Variants in SCEL observed in about 807,000 individuals in gnomAD.
SCEL encodes sciellin.
Under a neutral mutation model 117.6 loss-of-function variants are expected in SCEL, and 113 were observed. That is an observed-to-expected ratio of 0.96 (90% CI 0.83 to 1.12). SCEL has a LOEUF of 1.12. SCEL is among the 50% of genes most tolerant of loss of function. The pLI, the probability that SCEL is intolerant of heterozygous loss-of-function variation, is 0.00. For synonymous variants in SCEL, 270 were observed against 256.2 expected (o/e 1.05, Z -0.51); for missense variants, 785 against 810.8 (o/e 0.97, Z 0.39).
rs1555510777 is a variant in SCEL at position 77,593,295 on chromosome 13, T to TGCGC, written c.693-218_693-217insCGCG. Among the ~76,000 whole-genome samples the TGCGC allele has an allele frequency of 9.4e-4, 128 of 136,882 alleles. 3 individuals are homozygous for TGCGC. In the East Asian group the frequency reaches 0.014, roughly 15 times the overall value. The allele number at this position is 136,882 out of a possible 152,430, so 89.8% of individuals were successfully genotyped here. A position where few individuals can be genotyped will look rare whatever the true frequency, so the allele number is the denominator to read the frequency against. ...GTGTGTGTGTGTGTGTGTGTGTGTG[T>TGCGC]GTCTGTGTGTGTGTGTGTGTGTGTC... On this transcript the variant is annotated intron_variant, in intron 11 of 32. Transcript: ENST00000349847.
rs1201405281 is a variant in SCEL, at chr13:77,632,227, C to T, written c.1692-2152C>T. On this transcript the variant is annotated intron_variant, in intron 28 of 32. Coordinates refer to ENST00000349847, the MANE Select transcript of SCEL (RefSeq NM_144777.3). Reference sequence around the variant, plus strand: ...CCATAACAGTACTGTTGGCAAATCACTTATCTCTCCTGTTTGTGGATTTTG... The same window carrying T: ...CCATAACAGTACTGTTGGCAAATCATTTATCTCTCCTGTTTGTGGATTTTG... Among the ~76,000 whole-genome samples the T allele has an allele frequency of 2.0e-5, 3 of 152,236 alleles. No individual in the cohort carries two copies. The East Asian group carries it at 5.8e-4, about 29-fold the overall frequency.
intron 5 of SCEL, among the ~76,000 whole-genome samples, chr13:77,567,361 G>A (rs2085346499): frequency 6.6e-6 from 1 of 152,184 alleles, no homozygotes; most frequent in Non-Finnish European, 1.5e-5. Flanking sequence ...GGCTGAGGCA[G>A]TAGAATAGCT....
intron 1 of SCEL, among the ~76,000 whole-genome samples, chr13:77,544,799 A>G (rs192189146): frequency 1.4e-3 from 211 of 152,368 alleles, no homozygotes; most frequent in Non-Finnish European, 2.2e-3. Flanking sequence ...TTTCAAATGC[A>G]TACAAAAAGA....
At chr13:77,550,878 C>T (rs1171496136) in intron 1 of SCEL, among the ~76,000 whole-genome samples, 2 of 152,196 alleles carry the variant, frequency 1.3e-5, no homozygotes, top group African/African-American at 4.8e-5. Flanking sequence ...GGGGAATACA[C>T]AGAGAAGGCT....
At position 77,642,778 on chromosome 13, in the gene SCEL, C is replaced by T. The variant is rs2090619227; in HGVS notation, c.2020C>T (p.His674Tyr). 1 of 1,602,980 alleles carries T rather than the reference C, an allele frequency of 6.2e-7. No individual in the cohort carries two copies. The highest frequency in any genetic ancestry group is 1.1e-5 in the South Asian group (1 of 89,320). The part of the protein sequence containing the change: ...DSIWIYRQTI[H>Y]CEPCYSKIMA... ...TATTTGGATTTATAGACAGACAATA[C>T]ACTGTGAACCTTGCTACTCTAAAAT... is the stretch of plus-strand genomic sequence containing the variant. The change falls in exon 32 of 33, where the codon CAC becomes TAC. Residue 674 changes from histidine (H) to tyrosine (Y), a missense_variant. Coordinates refer to ENST00000349847, the MANE Select transcript of SCEL (RefSeq NM_144777.3).
rs139110416 is a variant in SCEL, at chr13:77,557,120, T to C, written c.161+407T>C. Among the ~76,000 whole-genome samples, 4 of 152,328 alleles carry C rather than the reference T, an allele frequency of 2.6e-5. No individual in the cohort carries two copies. The East Asian group carries it at 7.7e-4, about 29-fold the overall frequency. On this transcript the variant is annotated intron_variant, in intron 3 of 32. Transcript: ENST00000349847. ...AGAGTGTAATTCCAAATTTAACATA[T>C]AAAATTTTGGTATGTACAAGAGAAA...
intron 31 of SCEL, among the ~76,000 whole-genome samples, chr13:77,641,525 G>A (rs996671997): frequency 2.0e-5 from 3 of 152,122 alleles, no homozygotes; most frequent in Admixed American, 6.6e-5. Flanking sequence ...CTAGACCAGT[G>A]GATCTCAACC....
At chr13:77,546,774 G>A (rs907162403) in intron 1 of SCEL, among the ~76,000 whole-genome samples, 1 of 152,038 alleles carries the variant, frequency 6.6e-6, no homozygotes, top group Non-Finnish European at 1.5e-5. Flanking sequence ...ATAATACAGG[G>A]CTATTGTGGC....
At chr13:77,586,505 C>T (rs1176112026) in intron 9 of SCEL, among the ~76,000 whole-genome samples, 1 of 152,062 alleles carries the variant, frequency 6.6e-6, no homozygotes, top group Non-Finnish European at 1.5e-5. Flanking sequence ...TCTCAAACTC[C>T]ACAGCCCCCA....
At position 77,644,718 on chromosome 13, in the gene SCEL, A is replaced by G. The variant is rs1466303855; in HGVS notation, c.*444A>G. 6.5e-6 allele frequency: 1 copy of G among 154,824 alleles called. No homozygotes were observed. The highest frequency in any genetic ancestry group is 1.4e-5 in the Non-Finnish European group (1 of 69,730). The allele number at this position is 154,824 out of a possible 1,614,324, so 9.6% of individuals were successfully genotyped here. A position where few individuals can be genotyped will look rare whatever the true frequency, so the allele number is the denominator to read the frequency against. ...CTTCATCTGCAAAAGAAATACTAACAACAATTTTCTTATACAGTTTGGCAG... is the reference window on the plus strand; with the variant it reads ...CTTCATCTGCAAAAGAAATACTAACGACAATTTTCTTATACAGTTTGGCAG... On this transcript the variant is annotated 3_prime_UTR_variant, in exon 33 of 33. Transcript: ENST00000349847.
chr13:77,600,424 C>T (rs920946116), intron 15 of SCEL, among the ~76,000 whole-genome samples: 4 of 152,106 alleles, frequency 2.6e-5, no homozygotes, highest in South Asian at 2.1e-4. Context: ...CCACCACGCC[C>T]GGCCACCACT....
intron 10 of SCEL, among the ~76,000 whole-genome samples, chr13:77,589,464 T>C (rs534499374): frequency 2.0e-5 from 3 of 152,200 alleles, no homozygotes; most frequent in African/African-American, 7.2e-5. Context: ...AATGGAACAA[T>C]ATTCATGTTC....
chr13:77,601,046 G>T (rs2087638413), intron 15 of SCEL, among the ~76,000 whole-genome samples: 1 of 151,090 alleles, frequency 6.6e-6, no homozygotes, highest in African/African-American at 2.4e-5. Flanking sequence ...TGATTATAAT[G>T]TAAACATGCC....
chr13:77,565,874 G>A (rs2154396968), intron 5 of SCEL, among the ~76,000 whole-genome samples: 1 of 152,292 alleles, frequency 6.6e-6, no homozygotes, highest in African/African-American at 2.4e-5. Context: ...GTGCTCCATT[G>A]TGAAAGTATA....
intron 6 of SCEL, 42 bp downstream of exon 6, chr13:77,567,790 A>G (rs1222310724): frequency 7.7e-7 from 1 of 1,303,166 alleles, no homozygotes; most frequent in African/African-American, 1.5e-5. Context: ...CAAGTATAAT[A>G]TTTTTCTAAG....
At chr13:77,537,949 C>G (rs1438992580) in intron 1 of SCEL, among the ~76,000 whole-genome samples, 2 of 152,152 alleles carry the variant, frequency 1.3e-5, no homozygotes, top group Non-Finnish European at 2.9e-5. Flanking sequence ...CAAGGGAAAT[C>G]TTTATTGGTT....
chr13:77,642,496 G>T (rs548257780), intron 31 of SCEL, among the ~76,000 whole-genome samples: 86 of 152,036 alleles, frequency 5.7e-4, no homozygotes, highest in Non-Finnish European at 1.0e-3. Context: ...GTGTTTTTTT[G>T]TTTGTTTGTT....
chr13:77,537,101 C>T (rs560391905), intron 1 of SCEL, among the ~76,000 whole-genome samples: 8 of 152,238 alleles, frequency 5.3e-5, no homozygotes, highest in African/African-American at 1.9e-4. Flanking sequence ...GAAATGACAA[C>T]AGTAAAAATT....
At chr13:77,644,223 C>G (rs1181123445) in intron 32 of SCEL, 35 bp from the exon 33 acceptor site, 2 of 1,611,960 alleles carry the variant, frequency 1.2e-6, no homozygotes, top group Non-Finnish European at 1.7e-6. Flanking sequence ...TGTTTCTGTA[C>G]TGAATTTGCA....
Sources: allele counts gnomAD v4.1 joint callset (sites outside exome capture counted in the v4.1 genomes callset), GRCh38; gene constraint gnomAD v4.1.1; transcripts MANE v1.5; gene names NCBI Gene and HGNC (gene_info 2026-07-23, HGNC 2026-07-21).